Variants in NELL1 observed in about 807,000 individuals in gnomAD.
The protein encoded by NELL1 is neural EGFL like 1, also known as protein kinase C-binding protein NELL1.
Under a neutral mutation model 107.4 loss-of-function variants are expected in NELL1, and 76 were observed. The observed-to-expected ratio is 0.71, with a 90% CI of 0.59 to 0.86. The LOEUF (loss-of-function observed/expected upper bound fraction) is 0.86. Among genes scored for constraint, NELL1 ranks in the 40% least tolerant of loss-of-function variants. The pLI is 0.00. For missense variants in NELL1, 1,024 were observed against 1,005.5 expected (o/e 1.02, Z -0.25); for synonymous variants, 353 against 341.2 (o/e 1.03, Z -0.38).
chr11:21,201,083 C>G (rs1335262730), intron 13 of NELL1, among the ~76,000 whole-genome samples: 1 of 152,056 alleles, frequency 6.6e-6, no homozygotes, highest in Non-Finnish European at 1.5e-5. Context: ...CAGCTTTGTT[C>G]TTTTTGCTTA....
At position 21,259,721 on chromosome 11, in the gene NELL1, A is replaced by G. The variant is rs115846092; in HGVS notation, c.1549+30267A>G. On this transcript the variant is annotated intron_variant, in intron 14 of 19. Coordinates refer to ENST00000357134, the MANE Select transcript of NELL1 (RefSeq NM_006157.5). ...AGTCGGAGTTTCTCTAGACCACTAT[A>G]GTCCATAGACCTTTTTCTTTTTTAT... Among the ~76,000 whole-genome samples, 1,093 of 151,974 alleles carry G rather than the reference A, an allele frequency of 7.2e-3. 16 individuals are homozygous for G. The highest frequency in any genetic ancestry group is 0.024 in the African/African-American group (1,015 of 41,470).
chr11:21,178,743 G>T (rs1207766326), intron 13 of NELL1, among the ~76,000 whole-genome samples: 1 of 150,256 alleles, frequency 6.7e-6, no homozygotes, highest in Non-Finnish European at 1.5e-5. Flanking sequence ...CAGCCTTGGG[G>T]ACAGAGTGAG....
At chr11:20,867,620 T>C (rs937818783) in intron 4 of NELL1, among the ~76,000 whole-genome samples, 4 of 152,188 alleles carry the variant, frequency 2.6e-5, no homozygotes, top group Non-Finnish European at 5.9e-5. Context: ...CTCAAATTAT[T>C]ATTAGTTTGC....
chr11:21,310,692 G>A (rs915425242), intron 14 of NELL1, among the ~76,000 whole-genome samples: 2 of 151,932 alleles, frequency 1.3e-5, no homozygotes, highest in African/African-American at 4.8e-5. Flanking sequence ...CACAGGATGC[G>A]ATTTGGAAAG....
rs114545034 is a variant in NELL1, at chr11:21,031,513, T to C, written c.1300+70953T>C. Among the ~76,000 whole-genome samples, 465 of 152,316 alleles carry C rather than the reference T, an allele frequency of 3.1e-3. 2 individuals carry two copies. Among genetic ancestry groups the C allele is most frequent in the African/African-American group, 0.011 (451 of 41,566 alleles). On this transcript the variant is annotated intron_variant, in intron 12 of 19. Coordinates refer to ENST00000357134, the MANE Select transcript of NELL1 (RefSeq NM_006157.5). ...CTTAGTTGTGTGATATTAAGGAAGGTGGTTCACCACTCTGCCTGTTTCCCT... is the reference window on the plus strand; with the variant it reads ...CTTAGTTGTGTGATATTAAGGAAGGCGGTTCACCACTCTGCCTGTTTCCCT...
intron 4 of NELL1, among the ~76,000 whole-genome samples, chr11:20,875,401 T>C (rs2134093374): frequency 6.6e-6 from 1 of 152,264 alleles, no homozygotes; most frequent in South Asian, 2.1e-4. Context: ...TTTTCCAGCA[T>C]GTTTAAGAAG....
intron 3 of NELL1, among the ~76,000 whole-genome samples, chr11:20,799,105 A>G (rs75385155): frequency 0.013 from 1,961 of 152,306 alleles, 83 homozygotes; most frequent in East Asian, 0.12. Context: ...TCAATCTAAA[A>G]AAGAGGCAGC....
At chr11:21,343,002 C>T (rs1406468618) in intron 14 of NELL1, among the ~76,000 whole-genome samples, 1 of 152,126 alleles carries the variant, frequency 6.6e-6, no homozygotes, top group East Asian at 1.9e-4. Context: ...AAGCTCACCA[C>T]AACCACAGCC....
intron 12 of NELL1, among the ~76,000 whole-genome samples, chr11:20,993,110 T>A (rs183337550): frequency 6.6e-6 from 1 of 152,324 alleles, no homozygotes; most frequent in East Asian, 1.9e-4. Flanking sequence ...TTACTTTGTA[T>A]GCCTGGCAAA....
At chr11:21,066,405 A>T (rs1355190584) in intron 12 of NELL1, among the ~76,000 whole-genome samples, 1 of 152,108 alleles carries the variant, frequency 6.6e-6, no homozygotes, top group Non-Finnish European at 1.5e-5. Flanking sequence ...TTTGGCCTTT[A>T]TTTTTGTTTT....
intron 3 of NELL1, among the ~76,000 whole-genome samples, chr11:20,846,901 G>C (rs1160340409): frequency 1.3e-5 from 2 of 152,184 alleles, no homozygotes; most frequent in African/African-American, 4.8e-5. Flanking sequence ...AGCATTTTAT[G>C]ACTGAAGTGC....
At chr11:21,358,693 A>G (rs1851001658) in intron 14 of NELL1, among the ~76,000 whole-genome samples, 1 of 149,320 alleles carries the variant, frequency 6.7e-6, no homozygotes, top group Admixed American at 6.8e-5. Context: ...GTGGGATTAC[A>G]GGCGTGACCC....
intron 3 of NELL1, among the ~76,000 whole-genome samples, chr11:20,803,071 G>A (rs1857311317): frequency 6.6e-6 from 1 of 152,138 alleles, no homozygotes; most frequent in Non-Finnish European, 1.5e-5. Flanking sequence ...TTAGGGTAAT[G>A]CTGCCCTGAT....
chr11:20,924,974 A>G (rs1330024505), intron 7 of NELL1, among the ~76,000 whole-genome samples: 2 of 152,224 alleles, frequency 1.3e-5, no homozygotes, highest in Non-Finnish European at 2.9e-5. Context: ...CGAGTACTGC[A>G]TTGAATCCAT....
chr11:21,147,968 G>C (rs552510666), intron 13 of NELL1, among the ~76,000 whole-genome samples: 1 of 151,410 alleles, frequency 6.6e-6, no homozygotes. Flanking sequence ...GTTAAGCTAC[G>C]CAGGCAATAG....
chr11:21,469,121 A>G (rs1854108220), intron 15 of NELL1, among the ~76,000 whole-genome samples: 1 of 152,110 alleles, frequency 6.6e-6, no homozygotes, highest in Non-Finnish European at 1.5e-5. Context: ...AGACAGATCC[A>G]TCAGATTATT....
intron 5 of NELL1, among the ~76,000 whole-genome samples, chr11:20,908,773 T>A (rs1850061544): frequency 2.0e-5 from 3 of 152,248 alleles, no homozygotes; most frequent in Admixed American, 1.3e-4. Flanking sequence ...GTTTGTTGGT[T>A]CCTCAAAAAT....
At chr11:21,067,464 C>T (rs962119798) in intron 12 of NELL1, among the ~76,000 whole-genome samples, 6 of 151,970 alleles carry the variant, frequency 3.9e-5, no homozygotes, top group Non-Finnish European at 7.4e-5. Flanking sequence ...CTTGCTCTTC[C>T]GAGGCCTGTA....
At chr11:21,081,538 A>T (rs889357393) in intron 12 of NELL1, among the ~76,000 whole-genome samples, 1 of 152,144 alleles carries the variant, frequency 6.6e-6, no homozygotes, top group African/African-American at 2.4e-5. Flanking sequence ...TCTACTCTAA[A>T]TATATCTCTG....
Sources: allele counts gnomAD v4.1 joint callset (sites outside exome capture counted in the v4.1 genomes callset), GRCh38; gene constraint gnomAD v4.1.1; transcripts MANE v1.5; gene names NCBI Gene and HGNC (gene_info 2026-07-23, HGNC 2026-07-21).